ARHGAP39: variants seen among roughly 807,000 people sequenced by gnomAD.
The protein encoded by ARHGAP39 is rho GTPase-activating protein 39.
Under a neutral mutation model 106.9 loss-of-function variants are expected in ARHGAP39, and 44 were observed. The ratio of observed to expected loss-of-function variants is 0.41; its 90% CI spans 0.32 to 0.53. The LOEUF is 0.53. ARHGAP39 is among the 20% of genes least tolerant of loss of function. The pLI, the probability that ARHGAP39 is intolerant of heterozygous loss-of-function variation, is 0.21. For synonymous variants in ARHGAP39, 768 were observed against 693.2 expected (o/e 1.11, Z -1.69); for missense variants, 1,496 against 1,577.3 (o/e 0.95, Z 0.87).
the ARHGAP39 span, among the ~76,000 whole-genome samples, chr8:144,692,670 C>G: frequency 6.6e-6 from 1 of 151,530 alleles, no homozygotes; most frequent in Non-Finnish European, 1.5e-5. Flanking sequence ...ACTTGGCCCC[C>G]ATAAGCCATG....
At chr8:144,617,587 A>G (rs1177459445) in intron 1 of ARHGAP39, among the ~76,000 whole-genome samples, 1 of 140,568 alleles carries the variant, frequency 7.1e-6, no homozygotes, top group East Asian at 2.0e-4. Flanking sequence ...TGAAAAGACA[A>G]AAAAAAAAAA....
rs187168047 is a variant in ARHGAP39 at position 144,649,445 on chromosome 8, G to A, written c.-82+36241C>T. Among the ~76,000 whole-genome samples, 49 of 150,962 alleles carry A rather than the reference G, an allele frequency of 3.2e-4. 1 individual carries two copies. In the East Asian group the frequency reaches 4.5e-3, roughly 14 times the overall value. ...AGCCTGGGTGACAGAGCGAGACTCC[G>A]TCTCAAAAAATAATAATAATAAATA... On this transcript the variant is annotated intron_variant, in intron 1 of 11. Coordinates refer to ENST00000377307, the MANE Select transcript of ARHGAP39 (RefSeq NM_025251.3).
chr8:144,596,585 G>C (rs971990021), intron 2 of ARHGAP39, among the ~76,000 whole-genome samples: 2 of 152,214 alleles, frequency 1.3e-5, no homozygotes, highest in African/African-American at 2.4e-5. Flanking sequence ...CATGGAGGGG[G>C]TGCTGCGCGG....
Position 144,604,712 on chromosome 8 carries a change from G to A in ARHGAP39, c.80+823C>T, listed in dbSNP as rs532205492. On this transcript the variant is annotated intron_variant, in intron 2 of 11. Transcript: ENST00000377307. The surrounding 1 kb of genome is among the most constrained non-coding windows in gnomAD (Gnocchi z 4.1). ...GGCCAAGGAGAGAGAGGCAGTCAGG[G>A]GCAGAGCTGACCTGGAGGCATGGGA... Among the ~76,000 whole-genome samples the A allele has an allele frequency of 6.6e-6, 1 of 152,260 alleles. No homozygotes were observed. Among genetic ancestry groups the A allele is most frequent in the South Asian group, 2.1e-4 (1 of 4,820 alleles).
chr8:144,579,182 A>G (rs1277973623), intron 3 of ARHGAP39, among the ~76,000 whole-genome samples: 2 of 142,994 alleles, frequency 1.4e-5, no homozygotes, highest in African/African-American at 5.4e-5. Context: ...AGCCTGGGCG[A>G]CAGAGCGAGA....
At chr8:144,616,607 C>G (rs1003610313) in intron 1 of ARHGAP39, among the ~76,000 whole-genome samples, 2 of 152,166 alleles carry the variant, frequency 1.3e-5, no homozygotes, top group Non-Finnish European at 2.9e-5. Context: ...GAGCCACTGC[C>G]TCACCCCAGG....
At position 144,685,785 on chromosome 8, in the gene ARHGAP39, C is replaced by T. The variant is rs2129785889; in HGVS notation, c.-181G>A. ...CTCCCCGGCCTCTCTGCTGCTCCGC[C>T]GCTGCTGCCGCGGCAGCCCGTGCTG... On this transcript the variant is annotated 5_prime_UTR_variant, in exon 1 of 12. Coordinates refer to ENST00000377307, the MANE Select transcript of ARHGAP39 (RefSeq NM_025251.3). Among the ~76,000 whole-genome samples, 1 of 147,874 alleles carries T rather than the reference C, an allele frequency of 6.8e-6. No homozygotes were observed. Among genetic ancestry groups the T allele is most frequent in the Admixed American group, 6.7e-5 (1 of 14,904 alleles).
intron 3 of ARHGAP39, among the ~76,000 whole-genome samples, chr8:144,577,735 C>T (rs1818828230): frequency 1.3e-5 from 2 of 152,118 alleles, no homozygotes; most frequent in South Asian, 4.1e-4. Flanking sequence ...CCACAATGGA[C>T]AATCCAGAAA....
rs193260842 is a variant in ARHGAP39 at position 144,669,395 on chromosome 8, T to C, written c.-82+16291A>G. Among the ~76,000 whole-genome samples, 918 of 142,050 alleles carry C rather than the reference T, an allele frequency of 6.5e-3. 36 individuals are homozygous for C. The highest frequency in any genetic ancestry group is 0.056 in the Admixed American group (779 of 13,886). 93.2% of individuals were successfully genotyped at this position (142,050 alleles called of 152,430 possible). A position where few individuals can be genotyped will look rare whatever the true frequency, so the allele number is the denominator to read the frequency against. ...GGTGGCGGGCGCCTGTAGTCCCAGC[T>C]ATTCAGGAGGCTGAGGCAGGAGAAT... is the stretch of plus-strand genomic sequence containing the variant. On this transcript the variant is annotated intron_variant, in intron 1 of 11. Coordinates refer to ENST00000377307, the MANE Select transcript of ARHGAP39 (RefSeq NM_025251.3).
At position 144,663,260 on chromosome 8, in the gene ARHGAP39, G is replaced by A. The variant is rs75835467; in HGVS notation, c.-82+22426C>T. On this transcript the variant is annotated intron_variant, in intron 1 of 11. Coordinates refer to ENST00000377307, the MANE Select transcript of ARHGAP39 (RefSeq NM_025251.3). ...TAGGTAATTTATTTTTTAAAAAAAA[G>A]GTTTATTTGGCTCACAGTTCTGCAG... is the stretch of plus-strand genomic sequence containing the variant. Among the ~76,000 whole-genome samples the A allele has an allele frequency of 0.016, 2,461 of 152,198 alleles. 207 individuals carry two copies. In the East Asian group the frequency reaches 0.24, roughly 15 times the overall value.
chr8:144,602,362 GGTGT>G (rs35118184), intron 2 of ARHGAP39, among the ~76,000 whole-genome samples: 4 of 142,008 alleles, frequency 2.8e-5, no homozygotes, highest in Admixed American at 7.0e-5. Context: ...TGTGCATGGA[GGTGT>G]GTGTGCGAGC....
intron 3 of ARHGAP39, among the ~76,000 whole-genome samples, chr8:144,566,456 G>C (rs766260822): frequency 2.6e-5 from 4 of 152,052 alleles, no homozygotes; most frequent in African/African-American, 4.8e-5. Flanking sequence ...CCCAGGTGCT[G>C]AGGTGGGAGG....
chr8:144,699,981 G>C, the ARHGAP39 span, among the ~76,000 whole-genome samples: 1 of 152,160 alleles, frequency 6.6e-6, no homozygotes, highest in Non-Finnish European at 1.5e-5. Context: ...GGAACAAACG[G>C]GGCCGTATCT....
chr8:144,579,510 C>T (rs1465774387), intron 3 of ARHGAP39, among the ~76,000 whole-genome samples: 4 of 152,130 alleles, frequency 2.6e-5, no homozygotes, highest in African/African-American at 7.2e-5. Flanking sequence ...CACCGTCTTC[C>T]CGGTGTGCTC....
At chr8:144,660,393 C>G (rs1337535114) in intron 1 of ARHGAP39, among the ~76,000 whole-genome samples, 3 of 152,234 alleles carry the variant, frequency 2.0e-5, no homozygotes, top group African/African-American at 4.8e-5. Flanking sequence ...CAGCCAAGGT[C>G]ACATCACTTT....
At chr8:144,698,326 A>G in the ARHGAP39 span, among the ~76,000 whole-genome samples, 1 of 152,156 alleles carries the variant, frequency 6.6e-6, no homozygotes, top group Admixed American at 6.5e-5. Flanking sequence ...TACTGGTGCC[A>G]TGCTTCCTGC....
At chr8:144,635,748 C>T (rs965525489) in intron 1 of ARHGAP39, among the ~76,000 whole-genome samples, 2 of 151,784 alleles carry the variant, frequency 1.3e-5, no homozygotes, top group African/African-American at 4.8e-5. Context: ...GAGGCTACCG[C>T]CAGGTAGACA....
chr8:144,533,035 G>A, intron 9 of ARHGAP39, 91 bp downstream of exon 9: 2 of 1,466,802 alleles, frequency 1.4e-6, no homozygotes, highest in Non-Finnish European at 1.8e-6. Flanking sequence ...AGCCCAGTGG[G>A]CCTGAGGCTT....
Position 144,548,091 on chromosome 8 carries a change from A to G in ARHGAP39, c.995T>C (p.Val332Ala), listed in dbSNP as rs748621226. ...APIYDEPPMD[V>A]QFEAGGGYQA... ...GTAGCCCCCGCCAGCCTCGAATTGC[A>G]CGTCCATGGGGGGCTCATCGTAGAT... Residue 332 changes from valine to alanine, a missense_variant, in exon 5 of 12, where the codon GTG becomes GCG. By Grantham distance (64) the Val-to-Ala change is moderately conservative (BLOSUM62 0). Transcript: ENST00000377307. This position sits in a 1 kb window ranked among gnomAD's most constrained non-coding sequence, Gnocchi z 7.4. The G allele has an allele frequency of 4.1e-5, 65 of 1,593,126 alleles. No individual in the cohort carries two copies. The East Asian group carries it at 1.4e-3, about 35-fold the overall frequency.
Sources: allele counts gnomAD v4.1 joint callset (sites outside exome capture counted in the v4.1 genomes callset), GRCh38; gene constraint gnomAD v4.1.1; non-coding constraint Gnocchi (gnomAD v3.1); transcripts MANE v1.5; gene names NCBI Gene and HGNC (gene_info 2026-07-23, HGNC 2026-07-21).